Variants in FANCC observed in about 807,000 individuals in gnomAD.
The protein encoded by FANCC is FA complementation group C.
A neutral mutation model predicts 71.3 loss-of-function variants in FANCC; 55 were observed. That is an observed-to-expected ratio of 0.77 (90% CI 0.62 to 0.97). FANCC has a LOEUF of 0.97. Ranked by LOEUF, FANCC falls within the 50% of genes least tolerant of loss-of-function variation. The probability of loss-of-function intolerance (pLI) is 0.00; values close to 1 mark genes in which losing one functional copy is unlikely to be tolerated. For synonymous variants in FANCC, 275 were observed against 244.9 expected, an observed-to-expected ratio of 1.12 and a Z score of -1.15; for missense variants, 678 against 670.9, an observed-to-expected ratio of 1.01 and a Z score of -0.12.
chr9:95,213,454 G>A (rs1250939281), intron 4 of FANCC, among the ~76,000 whole-genome samples: 3 of 152,114 alleles, frequency 2.0e-5, no homozygotes, highest in Non-Finnish European at 4.4e-5. Flanking sequence ...CAGAAAGACA[G>A]ACATACAGAT....
intron 10 of FANCC, among the ~76,000 whole-genome samples, chr9:95,119,993 G>GTGAGTT (rs11283189): frequency 0.46 from 69,129 of 151,572 alleles, 15,921 homozygotes; most frequent in East Asian, 0.58. Flanking sequence ...GATTACAGGA[G>GTGAGTT]TGAGCTATGC....
chr9:95,304,619 G>C (rs1030547166), intron 1 of FANCC, among the ~76,000 whole-genome samples: 1 of 150,924 alleles, frequency 6.6e-6, no homozygotes, highest in African/African-American at 2.4e-5. Context: ...GCGTGGTGGC[G>C]AGCGCCTGTA....
At chr9:95,219,309 T>C (rs1407039926) in intron 4 of FANCC, among the ~76,000 whole-genome samples, 3 of 152,180 alleles carry the variant, frequency 2.0e-5, no homozygotes, top group Non-Finnish European at 4.4e-5. Flanking sequence ...AGCAGCCATG[T>C]ATACAGCGGA....
intron 1 of FANCC, chr9:95,292,396 G>A (rs1834088772): frequency 5.8e-6 from 6 of 1,043,134 alleles, no homozygotes; most frequent in Non-Finnish European, 6.9e-6. Flanking sequence ...GCGGGTGCCC[G>A]CGCCGTCCCG....
chr9:95,184,621 T>G (rs772092936), intron 4 of FANCC, among the ~76,000 whole-genome samples: 1 of 152,226 alleles, frequency 6.6e-6, no homozygotes, highest in Admixed American at 6.5e-5. Flanking sequence ...TTCTCTGGCA[T>G]AGAAACTCAA....
At chr9:95,178,120 T>A (rs769522042) in intron 4 of FANCC, among the ~76,000 whole-genome samples, 5 of 152,166 alleles carry the variant, frequency 3.3e-5, no homozygotes, top group Non-Finnish European at 7.4e-5. Context: ...TCTTCCAATG[T>A]AGCCCAGGAA....
chr9:95,281,723 A>G lies in FANCC; in HGVS notation c.-78-32354T>C, dbSNP rs1472366455. On this transcript the variant is annotated intron_variant, in intron 1 of 14. Coordinates refer to ENST00000289081, the MANE Select transcript of FANCC (RefSeq NM_000136.3). ...AACACAATTAAAAATAATAGCTACG[A>G]TAATTTGTTAGGGGACATGCAATAT... Among the ~76,000 whole-genome samples, 6 of 152,122 alleles carry G rather than the reference A, an allele frequency of 3.9e-5. No individual in the cohort carries two copies. In the East Asian group the frequency reaches 9.6e-4, roughly 24 times the overall value.
chr9:95,101,369 G>A lies in FANCC; in HGVS notation c.*338C>T, dbSNP rs920400068. The A allele has an allele frequency of 1.2e-5, 5 of 413,226 alleles. No individual in the cohort carries two copies. Among genetic ancestry groups the A allele is most frequent in the African/African-American group, 9.8e-5 (5 of 51,138 alleles). 25.6% of individuals were successfully genotyped at this position (413,226 alleles called of 1,614,324 possible). On this transcript the variant is annotated 3_prime_UTR_variant, in exon 15 of 15. Coordinates refer to ENST00000289081, the MANE Select transcript of FANCC (RefSeq NM_000136.3). ...GACTTTGAATTTTTAAATAATAGAT[G>A]TGCAGCTTGACTTGGGTAAAAACTA...
At chr9:95,107,630 C>T in intron 13 of FANCC, 1 of 402,196 alleles carries the variant, frequency 2.5e-6, no homozygotes, top group Non-Finnish European at 4.7e-6. Flanking sequence ...AGCCACAAAT[C>T]AATTAAAGCC....
intron 11 of FANCC, among the ~76,000 whole-genome samples, chr9:95,115,230 C>T (rs2072295758): frequency 1.3e-5 from 2 of 152,236 alleles, no homozygotes; most frequent in Non-Finnish European, 2.9e-5. Context: ...GCATTAATCA[C>T]CACGCTTGCC....
chr9:95,236,487 C>T (rs1244231148), intron 4 of FANCC, among the ~76,000 whole-genome samples: 1 of 152,228 alleles, frequency 6.6e-6, no homozygotes, highest in Non-Finnish European at 1.5e-5. Flanking sequence ...TCTATGATGG[C>T]ACATTCAAGG....
intron 6 of FANCC, among the ~76,000 whole-genome samples, chr9:95,169,288 ATGAT>A (rs1825510541): frequency 6.6e-6 from 1 of 152,224 alleles, no homozygotes; most frequent in South Asian, 2.1e-4. Context: ...GCCATCATAT[ATGAT>A]AAGTGCTTAG....
chr9:95,264,702 A>C (rs1832283718), intron 1 of FANCC, among the ~76,000 whole-genome samples: 1 of 152,170 alleles, frequency 6.6e-6, no homozygotes, highest in Non-Finnish European at 1.5e-5. Flanking sequence ...AAACACACTA[A>C]TTATGGAAAA....
chr9:95,284,125 C>A (rs1255314367), intron 1 of FANCC, among the ~76,000 whole-genome samples: 1 of 152,200 alleles, frequency 6.6e-6, no homozygotes, highest in Non-Finnish European at 1.5e-5. Context: ...GAGTCCTCTA[C>A]TAGCTAGAAA....
chr9:95,175,318 AC>A (rs1825946364), intron 4 of FANCC, among the ~76,000 whole-genome samples: 1 of 151,902 alleles, frequency 6.6e-6, no homozygotes, highest in South Asian at 2.1e-4. Flanking sequence ...ACAACAAAAA[AC>A]CCCCAGTAAT....
intron 1 of FANCC, among the ~76,000 whole-genome samples, chr9:95,297,488 ACTT>A (rs1266764197): frequency 6.6e-5 from 10 of 152,052 alleles, no homozygotes; most frequent in Admixed American, 2.6e-4. Context: ...GATGCCCACA[ACTT>A]CTGTTGGCAT....
intron 6 of FANCC, among the ~76,000 whole-genome samples, chr9:95,161,625 T>C (rs1363123057): frequency 1.3e-5 from 2 of 152,210 alleles, no homozygotes; most frequent in African/African-American, 4.8e-5. Flanking sequence ...CAGTTTTAAA[T>C]TGTGGTGAAA....
At chr9:95,294,168 T>C (rs1564835835) in intron 1 of FANCC, 4 of 1,603,672 alleles carry the variant, frequency 2.5e-6, no homozygotes, top group Non-Finnish European at 3.4e-6. Context: ...TGGATCATCA[T>C]AGTCTTTTGT....
intron 1 of FANCC, among the ~76,000 whole-genome samples, chr9:95,270,684 A>G (rs1437455961): frequency 6.6e-6 from 1 of 152,246 alleles, no homozygotes; most frequent in Non-Finnish European, 1.5e-5. Context: ...TACATGGACA[A>G]ATTCTAAGAT....
Sources: gnomAD v4.1 joint callset for allele counts (sites outside exome capture counted in the v4.1 genomes callset) on GRCh38, gnomAD v4.1.1 for gene constraint, MANE v1.5 for transcripts, NCBI Gene and HGNC (gene_info 2026-07-23, HGNC 2026-07-21) for gene names.